ACBD4: variants seen among roughly 807,000 people sequenced by gnomAD.
ACBD4 encodes the protein acyl-CoA binding domain containing 4.
A neutral mutation model predicts 46.0 loss-of-function variants in ACBD4; 41 were observed. That is an observed-to-expected ratio of 0.89 (90% CI 0.69 to 1.16). The LOEUF (loss-of-function observed/expected upper bound fraction) is 1.16. Among genes scored for constraint, ACBD4 ranks in the 50% most tolerant of loss-of-function variants. ACBD4 has a pLI of 0.00. For synonymous variants in ACBD4, 162 were observed against 155.9 expected, an observed-to-expected ratio of 1.04 and a Z score of -0.29; for missense variants, 393 against 399.5, an observed-to-expected ratio of 0.98 and a Z score of 0.14.
At chr17:45,132,351 G>A (rs1478696726), upstream of ACBD4, 2 of 1,231,530 alleles carry the variant, frequency 1.6e-6, no homozygotes, top group African/African-American at 1.6e-5. The surrounding 1 kb of genome is among the most constrained non-coding windows in gnomAD (Gnocchi z 4.6). Context: ...CTGCGACCTG[G>A]GCGGCCACCG....
chr17:45,133,774 G>A (rs187912413), upstream of ACBD4, among the ~76,000 whole-genome samples: 1,711 of 151,706 alleles, frequency 0.011, 24 homozygotes, highest in African/African-American at 0.038. Flanking sequence ...CTCGTGATCC[G>A]CCCGCCTCGG....
chr17:45,139,852 A>C (rs2055151782), intron 9 of ACBD4, among the ~76,000 whole-genome samples: 2 of 152,206 alleles, frequency 1.3e-5, no homozygotes, highest in African/African-American at 4.8e-5. Flanking sequence ...CCAAACAGAA[A>C]GCCTTCTCCA....
At chr17:45,136,893 T>C in intron 4 of ACBD4, 117 bp downstream of exon 4, 3 of 1,580,598 alleles carry the variant, frequency 1.9e-6, no homozygotes, top group Non-Finnish European at 2.6e-6. Context: ...ACCACCTTCA[T>C]GTTACCCCCA....
upstream of ACBD4, among the ~76,000 whole-genome samples, chr17:45,131,724 C>A (rs1412039592): frequency 6.6e-6 from 1 of 152,238 alleles, no homozygotes; most frequent in African/African-American, 2.4e-5. Flanking sequence ...GAGGTGAGAG[C>A]CTTGGCTGTC....
intron 9 of ACBD4, chr17:45,142,554 CTTT>C (rs531814036): frequency 0.019 from 3,173 of 169,210 alleles, no homozygotes; most frequent in South Asian, 0.039. Context: ...CACAGTAATT[CTTT>C]TTTTTTTTTT....
rs748416690 is a variant in ACBD4 at position 45,143,687 on chromosome 17, C to G, written c.*116C>G. 5.1e-6 allele frequency: 8 copies of G among 1,563,022 alleles called. No homozygotes were observed. The highest frequency in any genetic ancestry group is 1.4e-5 in the African/African-American group (1 of 73,876). ...CCCGTCCTGTCAGTGTTTGCCTTCG[C>G]ACCTCCTCCCCTAAAGCAGCGCGGG... is the stretch of plus-strand genomic sequence containing the variant. On this transcript the variant is annotated 3_prime_UTR_variant, in exon 10 of 10. Transcript: ENST00000321854.
chr17:45,138,774 G>C (rs1487506877), intron 8 of ACBD4, among the ~76,000 whole-genome samples: 5 of 147,656 alleles, frequency 3.4e-5, no homozygotes, highest in African/African-American at 7.5e-5. Flanking sequence ...CTGGGCAACA[G>C]AGCAAGACTG....
chr17:45,141,132 C>T (rs538155170), intron 9 of ACBD4, among the ~76,000 whole-genome samples: 2 of 152,338 alleles, frequency 1.3e-5, no homozygotes, highest in South Asian at 4.1e-4. Flanking sequence ...AATCTAAATT[C>T]CAGTTTCTCC....
intron 5 of ACBD4, 39 bp downstream of exon 5, chr17:45,137,178 G>A (rs2054906224): frequency 1.9e-6 from 3 of 1,613,718 alleles, no homozygotes; most frequent in Non-Finnish European, 2.5e-6. Context: ...AGTGCTGAGT[G>A]AACCGTCTTA....
At chr17:45,132,215 C>T (rs949453766), upstream of ACBD4, 1 of 1,250,702 alleles carries the variant, frequency 8.0e-7, no homozygotes, top group Non-Finnish European at 1.0e-6. The surrounding 1 kb of genome is among the most constrained non-coding windows in gnomAD (Gnocchi z 4.6). Flanking sequence ...GAACGGTCCG[C>T]GCCCACCCCA....
At chr17:45,134,019 T>TATAA (rs1176548438), upstream of ACBD4, among the ~76,000 whole-genome samples, 1 of 152,238 alleles carries the variant, frequency 6.6e-6, no homozygotes, top group Non-Finnish European at 1.5e-5. Context: ...GAGAGGCATG[T>TATAA]AATGTTTTGA....
upstream of ACBD4, among the ~76,000 whole-genome samples, chr17:45,133,529 T>C (rs893719741): frequency 0.013 from 1,538 of 121,888 alleles, 57 homozygotes; most frequent in South Asian, 0.054. Flanking sequence ...TCTTTTTTTT[T>C]TTTTTTTTTT....
In ACBD4 at chr17:45,138,001, C is replaced by G. The variant is rs1273397290; in HGVS notation, c.649+13C>G. On this transcript the variant is annotated intron_variant, in intron 8 of 9. Transcript: ENST00000321854. ...CCCACAAAGAAAGGTGAGCTCCTAC[C>G]CAACCTCTCACCCACTTCTGCCCTT... 4 of 1,610,512 alleles carry G rather than the reference C, an allele frequency of 2.5e-6. No homozygotes were observed. The highest frequency in any genetic ancestry group is 3.4e-6 in the Non-Finnish European group (4 of 1,178,584).
intron 4 of ACBD4, 70 bp downstream of exon 4, chr17:45,136,846 A>G: frequency 6.3e-7 from 1 of 1,599,120 alleles, no homozygotes; most frequent in Non-Finnish European, 8.5e-7. Flanking sequence ...TCTGACCCCC[A>G]CTACGTTTCC....
At chr17:45,142,055 T>C (rs2055304984) in intron 9 of ACBD4, among the ~76,000 whole-genome samples, 1 of 152,304 alleles carries the variant, frequency 6.6e-6, no homozygotes, top group South Asian at 2.1e-4. Context: ...AAAGGCAAGA[T>C]AAATACTTCA....
intron 9 of ACBD4, among the ~76,000 whole-genome samples, chr17:45,142,390 A>T (rs2055333428): frequency 6.3e-5 from 1 of 15,848 alleles, no homozygotes; most frequent in African/African-American, 3.7e-4. Context: ...AAGACTCCTC[A>T]AAAAAAAAAA....
chr17:45,134,723 G>C (rs1598059448), upstream of ACBD4, among the ~76,000 whole-genome samples: 1 of 152,084 alleles, frequency 6.6e-6, no homozygotes, highest in East Asian at 2.0e-4. Flanking sequence ...ATTGCAGTGA[G>C]CCGAGATCAC....
intron 9 of ACBD4, chr17:45,143,054 T>G (rs2055395385): frequency 6.0e-6 from 1 of 165,934 alleles, no homozygotes. Context: ...CAAGGAGCCT[T>G]GGCTCCTTTT....
At chr17:45,132,510 G>A (rs568359345), upstream of ACBD4, 59 of 633,930 alleles carry the variant, frequency 9.3e-5, no homozygotes, top group African/African-American at 1.1e-3. The surrounding 1 kb of genome is among the most constrained non-coding windows in gnomAD (Gnocchi z 4.6). Flanking sequence ...GAGGCGGCGA[G>A]CGAAGAAACT....
Sources: allele counts gnomAD v4.1 joint callset (sites outside exome capture counted in the v4.1 genomes callset), GRCh38; gene constraint gnomAD v4.1.1; non-coding constraint Gnocchi (gnomAD v3.1); transcripts MANE v1.5; gene names NCBI Gene and HGNC (gene_info 2026-07-23, HGNC 2026-07-21).